Variants in DPP10 observed in about 807,000 individuals in gnomAD.
DPP10 encodes inactive dipeptidyl peptidase 10.
Under a neutral mutation model 120.9 loss-of-function variants are expected in DPP10, and 33 were observed. That is an observed-to-expected ratio of 0.27 (90% CI 0.21 to 0.37). The LOEUF (loss-of-function observed/expected upper bound fraction) is 0.37. Ranked by LOEUF, DPP10 falls within the 10% of genes least tolerant of loss-of-function variation. The probability of loss-of-function intolerance (pLI) is 1.00; values close to 1 mark genes in which losing one functional copy is unlikely to be tolerated. For synonymous variants in DPP10, 337 were observed against 326.1 expected, an observed-to-expected ratio of 1.03 and a Z score of -0.36; for missense variants, 816 against 942.8, an observed-to-expected ratio of 0.87 and a Z score of 1.76.
At chr2:115,107,472 C>A (rs1573639234) in intron 1 of DPP10, among the ~76,000 whole-genome samples, 1 of 96,140 alleles carries the variant, frequency 1.0e-5, no homozygotes, top group South Asian at 3.7e-4. Context: ...TAAGATTTAT[C>A]ATATGTCAGA....
chr2:114,615,607 A>G (rs1307671675), intron 1 of DPP10, among the ~76,000 whole-genome samples: 1 of 152,182 alleles, frequency 6.6e-6, no homozygotes, highest in African/African-American at 2.4e-5. Flanking sequence ...TGCACAGAAC[A>G]GGAACCAAGA....
chr2:114,639,672 T>A (rs1275783968), intron 1 of DPP10, among the ~76,000 whole-genome samples: 1 of 151,888 alleles, frequency 6.6e-6, no homozygotes, highest in African/African-American at 2.4e-5. Flanking sequence ...ATATTAAAAA[T>A]TATTTCATAA....
intron 1 of DPP10, among the ~76,000 whole-genome samples, chr2:115,046,203 ATCATT>A (rs1212539244): frequency 1.3e-5 from 2 of 152,224 alleles, no homozygotes; most frequent in African/African-American, 4.8e-5. Flanking sequence ...CTGTAAAATT[ATCATT>A]TCAACAAATT....
At chr2:115,717,087 A>G (rs1257943731) in intron 7 of DPP10, among the ~76,000 whole-genome samples, 1 of 152,230 alleles carries the variant, frequency 6.6e-6, no homozygotes, top group Non-Finnish European at 1.5e-5. Context: ...TAATCTTTGG[A>G]TGAATGAGAG....
intron 3 of DPP10, among the ~76,000 whole-genome samples, chr2:115,402,698 C>G (rs1432916109): frequency 6.6e-6 from 1 of 150,646 alleles, no homozygotes; most frequent in East Asian, 1.9e-4. Context: ...GGCTTCACTG[C>G]TACATTCTAC....
At chr2:114,644,366 C>CTG (rs1279481346) in intron 1 of DPP10, among the ~76,000 whole-genome samples, 7 of 147,824 alleles carry the variant, frequency 4.7e-5, no homozygotes, top group African/African-American at 1.3e-4. Context: ...GTGTGTGTGT[C>CTG]TGTGTGTGTG....
intron 1 of DPP10, among the ~76,000 whole-genome samples, chr2:114,535,269 C>T (rs1376688661): frequency 6.6e-6 from 1 of 152,068 alleles, no homozygotes; most frequent in African/African-American, 2.4e-5. Flanking sequence ...CATCATCTCG[C>T]CTCCATAAAT....
At chr2:115,731,430 G>A (rs1177018012) in intron 8 of DPP10, among the ~76,000 whole-genome samples, 2 of 150,900 alleles carry the variant, frequency 1.3e-5, no homozygotes, top group African/African-American at 2.4e-5. Context: ...TGGAAGCTGA[G>A]GTGGGAGGAT....
At chr2:115,579,067 TATTTC>T (rs2081860147) in intron 5 of DPP10, 1 of 152,244 alleles carries the variant, frequency 6.6e-6, no homozygotes, top group Non-Finnish European at 1.5e-5. Flanking sequence ...AATGTTAACT[TATTTC>T]AAGTCACACA....
rs115859115 is a variant in DPP10, at chr2:115,527,740, T to C, written c.441+1768T>C. 5.1e-3 allele frequency among the ~76,000 whole-genome samples: 778 copies of C among 152,272 alleles called. 7 individuals carry two copies. The highest frequency in any genetic ancestry group is 0.018 in the African/African-American group (739 of 41,576). On this transcript the variant is annotated intron_variant, in intron 5 of 25. Transcript: ENST00000410059. ...AGACATTTCACTGAAGATTTACAGATGGCAATAAGTACATGAAAATATTTT... is the reference window on the plus strand; with the variant it reads ...AGACATTTCACTGAAGATTTACAGACGGCAATAAGTACATGAAAATATTTT...
intron 3 of DPP10, among the ~76,000 whole-genome samples, chr2:115,422,794 TCA>T (rs1253767220): frequency 6.6e-6 from 1 of 152,176 alleles, no homozygotes; most frequent in South Asian, 2.1e-4. Context: ...CATGAGTTTC[TCA>T]GTGTTTTGAG....
intron 1 of DPP10, among the ~76,000 whole-genome samples, chr2:114,639,301 G>A (rs934409179): frequency 2.0e-5 from 3 of 151,896 alleles, no homozygotes; most frequent in South Asian, 4.1e-4. Flanking sequence ...ACTCCCCATC[G>A]TGAAAACAGC....
intron 1 of DPP10, among the ~76,000 whole-genome samples, chr2:115,147,038 A>G (rs2051262594): frequency 6.6e-6 from 1 of 152,128 alleles, no homozygotes; most frequent in Non-Finnish European, 1.5e-5. Context: ...TTGAACAAAG[A>G]TCATACCAAA....
chr2:115,576,309 A>T (rs2081651820), intron 5 of DPP10, among the ~76,000 whole-genome samples: 1 of 152,240 alleles, frequency 6.6e-6, no homozygotes, highest in South Asian at 2.1e-4. Context: ...CAGTATTTTG[A>T]GACGGTAATT....
intron 1 of DPP10, among the ~76,000 whole-genome samples, chr2:114,838,900 G>T (rs1438957862): frequency 6.6e-6 from 1 of 152,044 alleles, no homozygotes; most frequent in Non-Finnish European, 1.5e-5. Context: ...TCTTCATGGA[G>T]ATGTAGTTTT....
intron 5 of DPP10, among the ~76,000 whole-genome samples, chr2:115,542,175 C>T (rs1459992947): frequency 1.3e-5 from 2 of 151,906 alleles, no homozygotes; most frequent in Non-Finnish European, 2.9e-5. Context: ...ACCATCACAA[C>T]TGAGATACAG....
chr2:115,617,272 T>A (rs74182902), intron 5 of DPP10, among the ~76,000 whole-genome samples: 85,486 of 134,860 alleles, frequency 0.63, 28,417 homozygotes, highest in Middle Eastern at 0.78. Context: ...TATATATTTT[T>A]TATATATATA....
Position 115,367,651 on chromosome 2 carries a change from C to T in DPP10, c.271+23739C>T, listed in dbSNP as rs535400020. Among the ~76,000 whole-genome samples, 10 of 151,956 alleles carry T rather than the reference C, an allele frequency of 6.6e-5. No individual in the cohort carries two copies. The East Asian group carries it at 7.7e-4, about 12-fold the overall frequency. On this transcript the variant is annotated intron_variant, in intron 3 of 25. Transcript: ENST00000410059. ...GATTAATAAATCACTGAAACTTTAA[C>T]GAGGTGCAATATCAAGGCAGTCTTT... is the stretch of plus-strand genomic sequence containing the variant.
intron 1 of DPP10, among the ~76,000 whole-genome samples, chr2:114,536,403 TTTTTC>T (rs971235289): frequency 2.8e-5 from 3 of 107,074 alleles, no homozygotes; most frequent in South Asian, 3.0e-4. Flanking sequence ...TTTCTTTTTC[TTTTTC>T]TTTTTTTTTT....
Sources: gnomAD v4.1 joint callset for allele counts (sites outside exome capture counted in the v4.1 genomes callset) on GRCh38, gnomAD v4.1.1 for gene constraint, MANE v1.5 for transcripts, NCBI Gene and HGNC (gene_info 2026-07-23, HGNC 2026-07-21) for gene names.